The following WWOX variants were observed in gnomAD, a reference collection of about 807,000 sequenced individuals.
WWOX encodes the protein WW domain containing oxidoreductase.
WWOX carries 69 observed loss-of-function variants against 46.2 expected under a neutral mutation model. The observed-to-expected ratio is 1.49, with a 90% CI of 1.23 to 1.82. The LOEUF (loss-of-function observed/expected upper bound fraction) is 1.82. Among genes scored for constraint, WWOX ranks in the 40% most tolerant of loss-of-function variants. The probability of loss-of-function intolerance (pLI) is 0.00; values close to 1 mark genes in which losing one functional copy is unlikely to be tolerated. For synonymous variants in WWOX, 359 were observed against 202.6 expected (o/e 1.77, Z -6.56); for missense variants, 919 against 542.6 (o/e 1.69, Z -6.89).
At position 78,723,943 on chromosome 16, in the gene WWOX, C is replaced by T. The variant is rs912992812; in HGVS notation, c.1056+291191C>T. ...TTTGAGGACCTAGACTTCACCTGCA[C>T]AGTGGTTTCACCATCCATCCCCCCA... On this transcript the variant is annotated intron_variant, in intron 8 of 8. Transcript: ENST00000566780. Among the ~76,000 whole-genome samples the T allele has an allele frequency of 1.1e-4, 16 of 152,312 alleles. No homozygotes were observed. In the East Asian group the frequency reaches 2.1e-3, roughly 20 times the overall value.
At chr16:78,252,928 G>A (rs1260328321) in intron 5 of WWOX, among the ~76,000 whole-genome samples, 3 of 152,180 alleles carry the variant, frequency 2.0e-5, no homozygotes, top group Admixed American at 2.0e-4. Context: ...TACACCATTT[G>A]TTTAAACAAC....
chr16:78,137,947 G>A (rs1005788536), intron 4 of WWOX, among the ~76,000 whole-genome samples: 3 of 150,790 alleles, frequency 2.0e-5, no homozygotes, highest in Non-Finnish European at 3.0e-5. Flanking sequence ...AACAGCACAA[G>A]AGGAAGTGAA....
chr16:78,920,891 A>C (rs965904921), intron 8 of WWOX, among the ~76,000 whole-genome samples: 7 of 152,170 alleles, frequency 4.6e-5, no homozygotes, highest in African/African-American at 1.7e-4. Flanking sequence ...AATGATTCCA[A>C]TTTTTAAAAA....
intron 8 of WWOX, among the ~76,000 whole-genome samples, chr16:78,531,481 C>G (rs571674094): frequency 2.6e-4 from 40 of 152,054 alleles, no homozygotes; most frequent in Non-Finnish European, 2.4e-4. Flanking sequence ...CAAAAATTAT[C>G]TTTTGTATTT....
intron 8 of WWOX, among the ~76,000 whole-genome samples, chr16:78,990,316 G>A (rs1372881503): frequency 6.6e-6 from 1 of 152,050 alleles, no homozygotes; most frequent in Non-Finnish European, 1.5e-5. Context: ...TTGGTTCTAA[G>A]TCATGGGCTC....
chr16:79,013,820 T>TGG (rs1354972390), intron 8 of WWOX, among the ~76,000 whole-genome samples: 10 of 152,136 alleles, frequency 6.6e-5, no homozygotes, highest in Admixed American at 2.6e-4. Context: ...TGGGGAAGGT[T>TGG]GGGGTCCTCT....
At chr16:79,118,507 G>T (rs185942955) in intron 8 of WWOX, among the ~76,000 whole-genome samples, 1 of 152,164 alleles carries the variant, frequency 6.6e-6, no homozygotes, top group Non-Finnish European at 1.5e-5. Flanking sequence ...AAATGGTGCC[G>T]ATAGTCTTCC....
intron 8 of WWOX, 64 bp downstream of exon 8, chr16:78,432,816 C>T (rs60494970): frequency 6.2e-7 from 1 of 1,611,564 alleles, no homozygotes; most frequent in Non-Finnish European, 8.5e-7. Flanking sequence ...ACACTTGTGT[C>T]TCCACCTTTT....
At chr16:78,941,683 A>C (rs562186877) in intron 8 of WWOX, among the ~76,000 whole-genome samples, 34 of 152,200 alleles carry the variant, frequency 2.2e-4, no homozygotes, top group African/African-American at 8.2e-4. Context: ...CATCCCCCCT[A>C]CTCACAGGAA....
At chr16:78,742,536 T>A (rs561824401) in intron 8 of WWOX, among the ~76,000 whole-genome samples, 1 of 152,316 alleles carries the variant, frequency 6.6e-6, no homozygotes, top group South Asian at 2.1e-4. Context: ...AAATGTTCTT[T>A]CCTCTGACTC....
intron 8 of WWOX, among the ~76,000 whole-genome samples, chr16:78,604,271 T>C (rs999426948): frequency 6.6e-6 from 1 of 152,208 alleles, no homozygotes; most frequent in Non-Finnish European, 1.5e-5. Flanking sequence ...CCTTATTTTC[T>C]CTACCACACC....
chr16:78,559,930 C>G (rs1478041623), intron 8 of WWOX, among the ~76,000 whole-genome samples: 1 of 152,192 alleles, frequency 6.6e-6, no homozygotes, highest in Non-Finnish European at 1.5e-5. Context: ...CCTAGCTCCC[C>G]AGCTTCTCCT....
At position 78,638,961 on chromosome 16, in the gene WWOX, C is replaced by G. The variant is rs562642661; in HGVS notation, c.1056+206209C>G. On this transcript the variant is annotated intron_variant, in intron 8 of 8. Coordinates refer to ENST00000566780, the MANE Select transcript of WWOX (RefSeq NM_016373.4). ...CAAGAGAATGATTCCCTCTGGGGTG[C>G]TGGTAGTGGGGGCTTAATTTCCTAA... 2.0e-5 allele frequency among the ~76,000 whole-genome samples: 3 copies of G among 152,144 alleles called. No homozygotes were observed. The South Asian group carries it at 6.2e-4, about 32-fold the overall frequency.
At chr16:79,207,522 T>G (rs951637600) in intron 8 of WWOX, among the ~76,000 whole-genome samples, 12 of 152,358 alleles carry the variant, frequency 7.9e-5, no homozygotes, top group African/African-American at 1.9e-4. Context: ...ATTCAGCATT[T>G]GCTGTGCAAT....
At chr16:78,101,011 A>T (rs770735823) in intron 1 of WWOX, among the ~76,000 whole-genome samples, 10 of 151,614 alleles carry the variant, frequency 6.6e-5, no homozygotes, top group African/African-American at 2.4e-4. Flanking sequence ...TTTTTTTGTA[A>T]GAGCCTTTTT....
chr16:79,009,092 C>T (rs889405023), intron 8 of WWOX, among the ~76,000 whole-genome samples: 4 of 152,184 alleles, frequency 2.6e-5, no homozygotes, highest in Non-Finnish European at 5.9e-5. Flanking sequence ...GCAGAGGGGG[C>T]AGAGGTGTCC....
chr16:78,481,900 C>G (rs1309649630), intron 8 of WWOX, among the ~76,000 whole-genome samples: 1 of 152,114 alleles, frequency 6.6e-6, no homozygotes, highest in African/African-American at 2.4e-5. Flanking sequence ...AATAACTTTT[C>G]TGCAGAGAGA....
At chr16:78,560,369 G>T (rs1797206315) in intron 8 of WWOX, among the ~76,000 whole-genome samples, 1 of 152,182 alleles carries the variant, frequency 6.6e-6, no homozygotes, top group Non-Finnish European at 1.5e-5. Flanking sequence ...GTGGCCAGGT[G>T]CGGTGGCTCA....
At chr16:78,411,549 T>G (rs2082680623) in intron 6 of WWOX, among the ~76,000 whole-genome samples, 1 of 152,144 alleles carries the variant, frequency 6.6e-6, no homozygotes, top group African/African-American at 2.4e-5. Context: ...GGGGTGTAGT[T>G]GTGGCTGTTG....
Sources: gnomAD v4.1 joint callset for allele counts (sites outside exome capture counted in the v4.1 genomes callset) on GRCh38, gnomAD v4.1.1 for gene constraint, MANE v1.5 for transcripts, NCBI Gene and HGNC (gene_info 2026-07-23, HGNC 2026-07-21) for gene names.